The following ITGA1 variants were observed in gnomAD, a reference collection of about 807,000 sequenced individuals.
ITGA1 encodes integrin subunit alpha 1.
ITGA1 carries 85 observed loss-of-function variants against 145.9 expected under a neutral mutation model. That is an observed-to-expected ratio of 0.58 (90% confidence interval 0.49 to 0.70). ITGA1 has a LOEUF of 0.70. ITGA1 is among the 30% of genes least tolerant of loss of function. The pLI is 0.00. For synonymous variants in ITGA1, 520 were observed against 495.3 expected (o/e 1.05, Z -0.66); for missense variants, 1,351 against 1,418.7 (o/e 0.95, Z 0.77).
intron 16 of ITGA1, 56 bp from the exon 17 acceptor site, chr5:52,920,276 T>C (rs1750711487): frequency 1.5e-6 from 2 of 1,352,842 alleles, no homozygotes; most frequent in South Asian, 2.8e-5. Flanking sequence ...ATCTGTACAA[T>C]ATGAGAATCA....
chr5:52,917,882 CT>C (rs888249147), intron 15 of ITGA1, among the ~76,000 whole-genome samples: 9 of 152,180 alleles, frequency 5.9e-5, no homozygotes, highest in Non-Finnish European at 1.0e-4. Flanking sequence ...AGAAAACCAC[CT>C]TTTTTTAATG....
Position 52,939,607 on chromosome 5 carries a change from C to T in ITGA1, c.3096C>T (p.Pro1032=). 6.2e-7 allele frequency: 1 copy of T among 1,611,292 alleles called. No individual in the cohort carries two copies. Among genetic ancestry groups the T allele is most frequent in the Non-Finnish European group, 8.5e-7 (1 of 1,177,608 alleles). ...LSSSENANCR[P]HIFEDPFSIN... ...ATTTCTAGAATGCAAACTGCAGACC[C>T]CATATCTTTGAGGATCCTTTCAGTA... The change falls in exon 25 of 29, where the codon CCC becomes CCT. Residue 1032 remains proline (P), a synonymous_variant. Transcript: ENST00000282588.
intron 1 of ITGA1, among the ~76,000 whole-genome samples, chr5:52,813,699 G>T (rs967281871): frequency 3.9e-5 from 6 of 152,124 alleles, no homozygotes; most frequent in Admixed American, 1.3e-4. Context: ...CTATTGAAAG[G>T]TCACATGCCC....
At chr5:52,948,283 A>G (rs939941530) in intron 28 of ITGA1, among the ~76,000 whole-genome samples, 5 of 152,202 alleles carry the variant, frequency 3.3e-5, no homozygotes, top group African/African-American at 7.2e-5. Flanking sequence ...TTATTCTAGC[A>G]TAATATCCCC....
At chr5:52,902,455 T>C (rs1326529811) in intron 11 of ITGA1, 1 of 152,262 alleles carries the variant, frequency 6.6e-6, no homozygotes, top group Non-Finnish European at 1.5e-5. Flanking sequence ...CTGTTTCCCA[T>C]TACCTCACTA....
In ITGA1 at chr5:52,801,320, A is replaced by G; in HGVS notation, c.61+12906A>G. On this transcript the variant is annotated intron_variant, in intron 1 of 28. Coordinates refer to ENST00000282588, the MANE Select transcript of ITGA1 (RefSeq NM_181501.2). ...ACTTCGCTGAAACATATGAAGCCTT[A>G]CTAGCGCTTTTGGCTTTAAGCCTTT... 3 of 1,205,708 alleles carry G rather than the reference A, an allele frequency of 2.5e-6. No homozygotes were observed. The Admixed American group carries it at 6.8e-5, about 27-fold the overall frequency. 74.7% of individuals were successfully genotyped at this position (1,205,708 alleles called of 1,614,324 possible).
chr5:52,867,403 C>A (rs1749704908), intron 6 of ITGA1, among the ~76,000 whole-genome samples: 1 of 152,062 alleles, frequency 6.6e-6, no homozygotes. Context: ...ATGAAATGGG[C>A]TTTTACGTAT....
At chr5:52,808,116 G>T (rs931916161) in intron 1 of ITGA1, among the ~76,000 whole-genome samples, 1 of 152,280 alleles carries the variant, frequency 6.6e-6, no homozygotes, top group South Asian at 2.1e-4. Flanking sequence ...ATTTCACTGG[G>T]ACTTGAGGAT....
chr5:52,912,003 CTA>C (rs1392715162), intron 14 of ITGA1, among the ~76,000 whole-genome samples: 4 of 87,000 alleles, frequency 4.6e-5, no homozygotes, highest in African/African-American at 9.4e-5. Flanking sequence ...TGTGTATCTA[CTA>C]TATATACTAT....
chr5:52,938,983 A>G (rs570379982), intron 24 of ITGA1, among the ~76,000 whole-genome samples: 78 of 151,698 alleles, frequency 5.1e-4, no homozygotes, highest in African/African-American at 1.8e-3. Flanking sequence ...GCTTACTGCA[A>G]CCTCCTCCTC....
At chr5:52,947,753 AT>A (rs1188514414) in intron 28 of ITGA1, among the ~76,000 whole-genome samples, 1 of 152,178 alleles carries the variant, frequency 6.6e-6, no homozygotes, top group Non-Finnish European at 1.5e-5. Context: ...ATGTGTAACA[AT>A]TAAAATTTTA....
intron 1 of ITGA1, among the ~76,000 whole-genome samples, chr5:52,816,897 G>A (rs890294241): frequency 5.3e-5 from 8 of 152,194 alleles, no homozygotes; most frequent in Non-Finnish European, 1.2e-4. Flanking sequence ...TACAACAGGT[G>A]GGGGTTTTCT....
At chr5:52,789,997 C>T (rs1748207695) in intron 1 of ITGA1, among the ~76,000 whole-genome samples, 2 of 152,160 alleles carry the variant, frequency 1.3e-5, no homozygotes, top group Admixed American at 1.3e-4. Context: ...TATATTTATG[C>T]CCATTTCGCA....
intron 6 of ITGA1, among the ~76,000 whole-genome samples, chr5:52,875,592 A>T (rs1379760034): frequency 6.6e-6 from 1 of 152,182 alleles, no homozygotes; most frequent in South Asian, 2.1e-4. Context: ...TTCCTTCTGC[A>T]TGTGACTCCT....
At chr5:52,914,914 A>G (rs565035347) in intron 14 of ITGA1, among the ~76,000 whole-genome samples, 1 of 152,338 alleles carries the variant, frequency 6.6e-6, no homozygotes, top group South Asian at 2.1e-4. Context: ...TTGTGAATAC[A>G]TCTGAGTGGA....
intron 14 of ITGA1, 77 bp from the exon 15 acceptor site, chr5:52,915,387 T>C: frequency 2.7e-6 from 4 of 1,463,038 alleles, no homozygotes; most frequent in Non-Finnish European, 3.8e-6. Flanking sequence ...GTTAAACAAT[T>C]TAAATTCTCA....
At chr5:52,940,224 C>T (rs1032797223) in intron 26 of ITGA1, among the ~76,000 whole-genome samples, 1 of 152,054 alleles carries the variant, frequency 6.6e-6, no homozygotes, top group African/African-American at 2.4e-5. Context: ...AATACCTTTC[C>T]AGTACCAAAG....
chr5:52,912,419 A>T (rs1446028743), intron 14 of ITGA1, among the ~76,000 whole-genome samples: 1 of 146,236 alleles, frequency 6.8e-6, no homozygotes, highest in Non-Finnish European at 1.5e-5. Flanking sequence ...TATATAGTGT[A>T]TCCACTATAG....
chr5:52,804,128 T>C (rs1451476258), intron 1 of ITGA1: 1 of 152,216 alleles, frequency 6.6e-6, no homozygotes, highest in East Asian at 1.9e-4. Context: ...AAAATTCAGA[T>C]AATTATTTTT....
Sources: allele counts gnomAD v4.1 joint callset (sites outside exome capture counted in the v4.1 genomes callset), GRCh38; gene constraint gnomAD v4.1.1; transcripts MANE v1.5; gene names NCBI Gene and HGNC (gene_info 2026-07-23, HGNC 2026-07-21).